STXBP5L: variants seen among roughly 807,000 people sequenced by gnomAD.
STXBP5L encodes syntaxin-binding protein 5-like.
A neutral mutation model predicts 144.5 loss-of-function variants in STXBP5L; 65 were observed. That is an observed-to-expected ratio of 0.45 (90% CI 0.37 to 0.55). The LOEUF is 0.55. Among genes scored for constraint, STXBP5L ranks in the 20% least tolerant of loss-of-function variants. The probability of loss-of-function intolerance (pLI) is 0.00; values close to 1 mark genes in which losing one functional copy is unlikely to be tolerated. For synonymous variants in STXBP5L, 505 were observed against 469.6 expected (o/e 1.08, Z -0.97); for missense variants, 1,298 against 1,405.5 (o/e 0.92, Z 1.22).
chr3:121,050,381 A>C (rs1576779739), intron 5 of STXBP5L, among the ~76,000 whole-genome samples: 1 of 152,176 alleles, frequency 6.6e-6, no homozygotes, highest in African/African-American at 2.4e-5. Flanking sequence ...ATATCAAAAA[A>C]CTTTAAGATC....
chr3:121,115,206 TA>T (rs1248551268), intron 6 of STXBP5L, 147 bp downstream of exon 6: 2 of 719,742 alleles, frequency 2.8e-6, no homozygotes, highest in African/African-American at 3.8e-5. Context: ...CTTAAAGCCA[TA>T]AAAGCTTTTA....
chr3:121,166,037 G>C (rs2046487423), intron 9 of STXBP5L, among the ~76,000 whole-genome samples: 1 of 151,256 alleles, frequency 6.6e-6, no homozygotes, highest in South Asian at 2.1e-4. Flanking sequence ...TTTTGAGACA[G>C]GGTCTGGCTC....
chr3:121,000,007 G>A (rs1943645039), intron 3 of STXBP5L, among the ~76,000 whole-genome samples: 1 of 152,070 alleles, frequency 6.6e-6, no homozygotes. Flanking sequence ...TCCCTTTTTA[G>A]GTGACCTCCC....
chr3:121,191,863 G>A (rs1397664892), intron 9 of STXBP5L, among the ~76,000 whole-genome samples: 1 of 149,070 alleles, frequency 6.7e-6, no homozygotes, highest in Non-Finnish European at 1.5e-5. Context: ...ACCAAACACA[G>A]CACGTTCTCA....
At chr3:121,301,619 G>T (rs1489832512) in intron 19 of STXBP5L, among the ~76,000 whole-genome samples, 2 of 152,162 alleles carry the variant, frequency 1.3e-5, no homozygotes, top group Non-Finnish European at 2.9e-5. Context: ...TCCCTGTCTT[G>T]TGCCGGTTTT....
Position 121,080,848 on chromosome 3 carries a change from A to AT in STXBP5L, c.471-34070dup, listed in dbSNP as rs561756745. Among the ~76,000 whole-genome samples, 364 of 152,190 alleles carry AT rather than the reference A, an allele frequency of 2.4e-3. 2 individuals are homozygous for AT. Among genetic ancestry groups the AT allele is most frequent in the Middle Eastern group, 0.01 (3 of 294 alleles). ...CTGATGATTGTGTGCCTTGCTGATA[A>AT]TTTTTTTGTGATGAATTTCCCATAA... On this transcript the variant is annotated intron_variant, in intron 5 of 26. Coordinates refer to ENST00000471454, the MANE Select transcript of STXBP5L (RefSeq NM_001308330.2).
intron 9 of STXBP5L, among the ~76,000 whole-genome samples, chr3:121,198,346 T>C (rs1335659749): frequency 6.6e-6 from 1 of 152,238 alleles, no homozygotes; most frequent in Non-Finnish European, 1.5e-5. Context: ...TTTTTTCTTG[T>C]AAATTTGTTT....
At chr3:121,020,319 A>T (rs910075028) in intron 3 of STXBP5L, among the ~76,000 whole-genome samples, 3 of 152,222 alleles carry the variant, frequency 2.0e-5, no homozygotes, top group Non-Finnish European at 4.4e-5. Context: ...GGAGAAATCT[A>T]AAAGTTTGGA....
Position 121,038,766 on chromosome 3 carries a change from G to A in STXBP5L, c.288-2934G>A, listed in dbSNP as rs540083865. 2.0e-5 allele frequency among the ~76,000 whole-genome samples: 3 copies of A among 151,694 alleles called. No individual in the cohort carries two copies. The South Asian group carries it at 6.2e-4, about 32-fold the overall frequency. On this transcript the variant is annotated intron_variant, in intron 3 of 26. Transcript: ENST00000471454. ...ATCAATTTTGTATTATGTATTTTAA[G>A]CTCTGTAATTAGGTGTATAATTTAG...
intron 5 of STXBP5L, among the ~76,000 whole-genome samples, chr3:121,101,886 G>A (rs549260337): frequency 6.6e-6 from 1 of 151,614 alleles, no homozygotes; most frequent in South Asian, 2.1e-4. Context: ...TAAAGTTTCC[G>A]GATACAAAGT....
chr3:120,944,268 C>A (rs1341336370), intron 2 of STXBP5L, among the ~76,000 whole-genome samples: 1 of 150,150 alleles, frequency 6.7e-6, no homozygotes, highest in Non-Finnish European at 1.5e-5. Flanking sequence ...AAATAAAGAG[C>A]AAAAAATATT....
chr3:120,991,274 C>A (rs1442119159), intron 3 of STXBP5L, among the ~76,000 whole-genome samples: 1 of 151,558 alleles, frequency 6.6e-6, no homozygotes, highest in Non-Finnish European at 1.5e-5. Context: ...ATCAAAACCA[C>A]AATGAGATAC....
chr3:120,963,458 T>C (rs1939128781), intron 3 of STXBP5L, among the ~76,000 whole-genome samples: 1 of 152,188 alleles, frequency 6.6e-6, no homozygotes, highest in Non-Finnish European at 1.5e-5. Flanking sequence ...CAATACCTAG[T>C]TTATTGAGAG....
intron 3 of STXBP5L, among the ~76,000 whole-genome samples, chr3:120,964,282 G>C (rs1380669085): frequency 6.6e-6 from 1 of 152,034 alleles, no homozygotes; most frequent in Non-Finnish European, 1.5e-5. Flanking sequence ...CTTCAGTTCT[G>C]CTCTGATCTT....
intron 5 of STXBP5L, among the ~76,000 whole-genome samples, chr3:121,078,282 C>T (rs961110277): frequency 2.8e-4 from 43 of 151,316 alleles, no homozygotes; most frequent in Middle Eastern, 6.9e-3. Flanking sequence ...CAAGTCCACA[C>T]CAGAGTAGCT....
chr3:121,109,091 TA>T, intron 5 of STXBP5L, among the ~76,000 whole-genome samples: 2 of 152,324 alleles, frequency 1.3e-5, no homozygotes, highest in Admixed American at 1.3e-4. Flanking sequence ...TCAGTGGTGA[TA>T]TCCCCTTTAT....
chr3:121,303,837 A>G (rs2052031892), intron 19 of STXBP5L, among the ~76,000 whole-genome samples: 1 of 151,712 alleles, frequency 6.6e-6, no homozygotes, highest in African/African-American at 2.4e-5. Flanking sequence ...ATGAGAACAC[A>G]TGGACACAGG....
At chr3:120,911,300 T>G (rs1171900788) in intron 2 of STXBP5L, among the ~76,000 whole-genome samples, 2 of 152,114 alleles carry the variant, frequency 1.3e-5, no homozygotes, top group Non-Finnish European at 2.9e-5. Flanking sequence ...TTCCCATTTA[T>G]TCAGGCAAGA....
rs1400664969 is a variant in STXBP5L at position 121,257,025 on chromosome 3, A to T, written c.1660-136A>T. On this transcript the variant is annotated intron_variant, in intron 16 of 26. Coordinates refer to ENST00000471454, the MANE Select transcript of STXBP5L (RefSeq NM_001308330.2). ...CCTGTAAATAGTATTGAACTTATTA[A>T]TTTGAAAAAAACTGTGTGAATGATT... 3 of 628,992 alleles carry T rather than the reference A, an allele frequency of 4.8e-6. No individual in the cohort carries two copies. In the Admixed American group the frequency reaches 9.4e-5, roughly 20 times the overall value. The allele number at this position is 628,992 out of a possible 1,614,324, so 39.0% of individuals were successfully genotyped here.
Sources: allele counts gnomAD v4.1 joint callset (sites outside exome capture counted in the v4.1 genomes callset), GRCh38; gene constraint gnomAD v4.1.1; transcripts MANE v1.5; gene names NCBI Gene and HGNC (gene_info 2026-07-23, HGNC 2026-07-21).